Variants in FAF1 observed in about 807,000 individuals in gnomAD.
The protein encoded by FAF1 is FAS-associated factor 1.
In FAF1, 25 loss-of-function variants were observed where a neutral mutation model predicts 92.5. The ratio of observed to expected loss-of-function variants is 0.27; its 90% CI spans 0.20 to 0.38. The LOEUF (loss-of-function observed/expected upper bound fraction) is 0.38. Among genes scored for constraint, FAF1 ranks in the 10% least tolerant of loss-of-function variants. The probability of loss-of-function intolerance (pLI) is 1.00; values close to 1 mark genes in which losing one functional copy is unlikely to be tolerated. For missense variants in FAF1, 636 were observed against 793.3 expected (o/e 0.80, Z 2.38); for synonymous variants, 234 against 273.2 (o/e 0.86, Z 1.42).
chr1:50,633,181 C>T (rs1653864874), intron 8 of FAF1, among the ~76,000 whole-genome samples: 1 of 152,144 alleles, frequency 6.6e-6, no homozygotes, highest in South Asian at 2.1e-4. Context: ...CAGCAGGGTT[C>T]ACAAGCAATT....
chr1:50,872,064 CAAAAAAA>C (rs200142842), intron 1 of FAF1, among the ~76,000 whole-genome samples: 52 of 65,538 alleles, frequency 7.9e-4, no homozygotes, highest in Admixed American at 1.7e-3. Flanking sequence ...GACTCCATCT[CAAAAAAA>C]AAAAAAAAAA....
chr1:50,616,329 A>G (rs1652912237), intron 8 of FAF1, among the ~76,000 whole-genome samples: 1 of 152,080 alleles, frequency 6.6e-6, no homozygotes. Flanking sequence ...GGCTCTTTCT[A>G]GGTTCCATAT....
At chr1:50,793,704 C>T (rs946499) in intron 3 of FAF1, among the ~76,000 whole-genome samples, 1 of 152,202 alleles carries the variant, frequency 6.6e-6, no homozygotes, top group East Asian at 1.9e-4. Flanking sequence ...CTAATACCTT[C>T]ATTGTCTTCC....
At chr1:50,576,146 C>G (rs551919556) in intron 12 of FAF1, among the ~76,000 whole-genome samples, 1 of 152,158 alleles carries the variant, frequency 6.6e-6, no homozygotes, top group African/African-American at 2.4e-5. Flanking sequence ...TCCAAAACTG[C>G]TTAATGGCAC....
intron 6 of FAF1, among the ~76,000 whole-genome samples, chr1:50,727,407 A>T (rs1658706302): frequency 6.6e-6 from 1 of 152,248 alleles, no homozygotes; most frequent in Non-Finnish European, 1.5e-5. Flanking sequence ...TATCTGGTCA[A>T]TCAAAAGAAA....
At chr1:50,794,294 A>G (rs997247666) in intron 3 of FAF1, among the ~76,000 whole-genome samples, 4 of 152,266 alleles carry the variant, frequency 2.6e-5, no homozygotes, top group Non-Finnish European at 4.4e-5. Flanking sequence ...TGGGAAGAGA[A>G]AAAATGATTA....
chr1:50,888,252 C>A (rs1003529545), intron 1 of FAF1, among the ~76,000 whole-genome samples: 4 of 152,160 alleles, frequency 2.6e-5, no homozygotes, highest in African/African-American at 9.7e-5. Flanking sequence ...GCTGAAGTTG[C>A]TTATCACCTT....
chr1:50,858,106 A>G, intron 1 of FAF1, 109 bp from the exon 2 acceptor site: 1 of 671,910 alleles, frequency 1.5e-6, no homozygotes. Flanking sequence ...AAATAGGTAT[A>G]TGAATAAAGC....
At chr1:50,482,220 C>A (rs1156579835) in intron 17 of FAF1, among the ~76,000 whole-genome samples, 1 of 152,052 alleles carries the variant, frequency 6.6e-6, no homozygotes, top group Non-Finnish European at 1.5e-5. Context: ...ATAAATGTAA[C>A]CATAAATGTT....
chr1:50,855,528 T>A (rs1041507292), intron 2 of FAF1, among the ~76,000 whole-genome samples: 2 of 151,812 alleles, frequency 1.3e-5, no homozygotes, highest in Non-Finnish European at 2.9e-5. Flanking sequence ...AAAATGCAGA[T>A]CAGTGATAGT....
chr1:50,943,129 T>C (rs1645147085), intron 1 of FAF1, among the ~76,000 whole-genome samples: 1 of 152,216 alleles, frequency 6.6e-6, no homozygotes, highest in Admixed American at 6.5e-5. Context: ...TGGCAGCTGA[T>C]AAATTTTCTC....
chr1:50,889,241 T>C (rs1185684554), intron 1 of FAF1, among the ~76,000 whole-genome samples: 4 of 152,238 alleles, frequency 2.6e-5, no homozygotes, highest in African/African-American at 9.7e-5. Context: ...TGCATCTATT[T>C]GATTCTTCTC....
At chr1:50,913,813 A>G (rs112809743) in intron 1 of FAF1, among the ~76,000 whole-genome samples, 2,045 of 152,328 alleles carry the variant, frequency 0.013, 18 homozygotes, top group Middle Eastern at 0.058. Flanking sequence ...TAGAGCAGGA[A>G]GAACTTCCTA....
intron 6 of FAF1, among the ~76,000 whole-genome samples, chr1:50,722,613 C>T (rs1354226705): frequency 6.8e-6 from 1 of 147,702 alleles, no homozygotes; most frequent in East Asian, 2.0e-4. Flanking sequence ...CGCGCCACTG[C>T]ACTCCAGCCT....
chr1:50,766,317 C>A (rs911045497), intron 4 of FAF1, among the ~76,000 whole-genome samples: 3 of 152,086 alleles, frequency 2.0e-5, no homozygotes. Context: ...ACATTATAAG[C>A]CATTACCCCC....
At chr1:50,879,643 CT>C (rs1557571762) in intron 1 of FAF1, among the ~76,000 whole-genome samples, 2 of 152,172 alleles carry the variant, frequency 1.3e-5, no homozygotes, top group African/African-American at 4.8e-5. Context: ...ATGTAATTGT[CT>C]TTTGAGGCTA....
chr1:50,517,972 AAATG>A (rs747725065), intron 15 of FAF1, among the ~76,000 whole-genome samples: 4 of 152,262 alleles, frequency 2.6e-5, no homozygotes, highest in Non-Finnish European at 4.4e-5. Context: ...TTTTATTTCC[AAATG>A]AACATACAGT....
chr1:50,833,022 T>TC (rs1354157822), intron 2 of FAF1, among the ~76,000 whole-genome samples: 2 of 152,074 alleles, frequency 1.3e-5, no homozygotes, highest in African/African-American at 4.8e-5. Context: ...GGCCTTTTTT[T>TC]CCCCCTTACA....
chr1:50,787,655 T>C (rs1312334882), intron 4 of FAF1, among the ~76,000 whole-genome samples: 1 of 152,346 alleles, frequency 6.6e-6, no homozygotes, highest in Non-Finnish European at 1.5e-5. Flanking sequence ...AGGATCAAGA[T>C]ATATCCTATG....
Sources: gnomAD v4.1 joint callset for allele counts (sites outside exome capture counted in the v4.1 genomes callset) on GRCh38, gnomAD v4.1.1 for gene constraint, MANE v1.5 for transcripts, NCBI Gene and HGNC (gene_info 2026-07-23, HGNC 2026-07-21) for gene names.